SH3GL2: variants seen among roughly 807,000 people sequenced by gnomAD.
SH3GL2 encodes the protein endophilin-A1.
A neutral mutation model predicts 46.0 loss-of-function variants in SH3GL2; 24 were observed. The observed-to-expected ratio is 0.52, with a 90% CI of 0.38 to 0.73. SH3GL2 has a LOEUF of 0.73. SH3GL2 is among the 30% of genes least tolerant of loss of function. The pLI is 0.00. For missense variants in SH3GL2, 413 were observed against 424.2 expected, an observed-to-expected ratio of 0.97 and a Z score of 0.23; for synonymous variants, 196 against 147.1, an observed-to-expected ratio of 1.33 and a Z score of -2.40.
At chr9:17,782,107 T>G (rs1165330286) in intron 3 of SH3GL2, among the ~76,000 whole-genome samples, 4 of 152,158 alleles carry the variant, frequency 2.6e-5, no homozygotes, top group Non-Finnish European at 5.9e-5. Flanking sequence ...AAAAATAGAT[T>G]TTTGGTAAAT....
chr9:17,693,370 A>C (rs1189579297), intron 1 of SH3GL2, among the ~76,000 whole-genome samples: 3 of 152,200 alleles, frequency 2.0e-5, no homozygotes. Flanking sequence ...TGGTTGCATT[A>C]GATGGATGAA....
chr9:17,784,611 C>T (rs1382750187), intron 3 of SH3GL2, among the ~76,000 whole-genome samples: 2 of 152,190 alleles, frequency 1.3e-5, no homozygotes, highest in Admixed American at 1.3e-4. Context: ...TTACTCCTCA[C>T]TATATTGTGA....
intron 1 of SH3GL2, among the ~76,000 whole-genome samples, chr9:17,695,091 G>C (rs1421561324): frequency 1.1e-4 from 17 of 152,118 alleles, no homozygotes; most frequent in Non-Finnish European, 4.4e-5. Context: ...GAATACAAGA[G>C]AAGAAAATAA....
At chr9:17,663,825 C>T (rs1270105667) in intron 1 of SH3GL2, among the ~76,000 whole-genome samples, 4 of 152,144 alleles carry the variant, frequency 2.6e-5, no homozygotes, top group Non-Finnish European at 5.9e-5. Context: ...AAAAATAAAC[C>T]TCTTTTCAGA....
intron 1 of SH3GL2, among the ~76,000 whole-genome samples, chr9:17,674,801 C>A (rs1470546645): frequency 6.6e-6 from 1 of 152,164 alleles, no homozygotes; most frequent in Non-Finnish European, 1.5e-5. Flanking sequence ...GCCAGGGTTT[C>A]TTTCCATGGC....
chr9:17,738,983 T>G (rs543644089), intron 1 of SH3GL2, among the ~76,000 whole-genome samples: 1 of 152,110 alleles, frequency 6.6e-6, no homozygotes, highest in Non-Finnish European at 1.5e-5. Context: ...ACTGTAGACT[T>G]GCGAAGTTGA....
intron 1 of SH3GL2, among the ~76,000 whole-genome samples, chr9:17,669,148 A>C (rs1820411644): frequency 2.0e-5 from 3 of 152,218 alleles, no homozygotes. Flanking sequence ...AGTTGTAAGA[A>C]ATAATACAGA....
intron 1 of SH3GL2, among the ~76,000 whole-genome samples, chr9:17,680,737 G>C (rs1220320105): frequency 6.6e-6 from 1 of 152,080 alleles, no homozygotes; most frequent in Non-Finnish European, 1.5e-5. Flanking sequence ...GTGAATTTTA[G>C]ATCTTTCCTG....
intron 1 of SH3GL2, chr9:17,654,006 C>T (rs1820013140): frequency 4.9e-6 from 1 of 204,436 alleles, no homozygotes; most frequent in Non-Finnish European, 8.6e-6. Flanking sequence ...CAGCAGCTAT[C>T]CTGTCATTAT....
At chr9:17,592,825 C>T (rs1406188777) in intron 1 of SH3GL2, among the ~76,000 whole-genome samples, 4 of 152,082 alleles carry the variant, frequency 2.6e-5, no homozygotes, top group Non-Finnish European at 4.4e-5. Flanking sequence ...ACTCCTATAG[C>T]TTCAGGTTGG....
intron 1 of SH3GL2, among the ~76,000 whole-genome samples, chr9:17,709,463 A>G (rs536257518): frequency 1.3e-5 from 2 of 152,054 alleles, no homozygotes; most frequent in South Asian, 2.1e-4. Flanking sequence ...TCCAGATATT[A>G]GGCTGTTTTT....
At chr9:17,644,111 T>G (rs1026930202) in intron 1 of SH3GL2, among the ~76,000 whole-genome samples, 1 of 152,218 alleles carries the variant, frequency 6.6e-6, no homozygotes, top group African/African-American at 2.4e-5. Context: ...ATTTTCTAGT[T>G]TATTTGCATA....
chr9:17,794,803 C>T (rs1485690608), intron 8 of SH3GL2, among the ~76,000 whole-genome samples: 1 of 152,100 alleles, frequency 6.6e-6, no homozygotes, highest in Admixed American at 6.6e-5. Context: ...CAGTGCACTG[C>T]ATATATTTAT....
intron 2 of SH3GL2, among the ~76,000 whole-genome samples, chr9:17,752,731 A>G (rs1479238818): frequency 6.6e-6 from 1 of 152,102 alleles, no homozygotes; most frequent in South Asian, 2.1e-4. Context: ...TCTTAACTTC[A>G]GGGGTACACG....
Position 17,610,866 on chromosome 9 carries a change from ATACTT to A in SH3GL2, c.45+31582_45+31586del, listed in dbSNP as rs540829113. On this transcript the variant is annotated intron_variant, in intron 1 of 8. Transcript: ENST00000380607. ...ATGTTATGGGACGCTTTTTTGGTGA[ATACTT>A]TATATTTAGTAATCTCGTTTTTAAG... Among the ~76,000 whole-genome samples the A allele has an allele frequency of 3.9e-5, 6 of 152,298 alleles. No homozygotes were observed. In the South Asian group the frequency reaches 1.2e-3, roughly 32 times the overall value.
At chr9:17,655,371 C>G (rs1324096552) in intron 1 of SH3GL2, among the ~76,000 whole-genome samples, 1 of 152,122 alleles carries the variant, frequency 6.6e-6, no homozygotes, top group African/African-American at 2.4e-5. Flanking sequence ...TTACTACGAT[C>G]TCTGGCTCCC....
rs149588581 is a variant in SH3GL2 at position 17,678,758 on chromosome 9, G to A, written c.46-68308G>A. The stretch of plus-strand genomic sequence containing the variant: ...TGGGTTTTCTTCTAGGGTTTTTATG[G>A]TTTTAGGTCTAACATTTAAGTCTTT... On this transcript the variant is annotated intron_variant, in intron 1 of 8. Transcript: ENST00000380607. Among the ~76,000 whole-genome samples, 148 of 152,250 alleles carry A rather than the reference G, an allele frequency of 9.7e-4. No homozygotes were observed. The East Asian group carries it at 0.028, about 29-fold the overall frequency.
At chr9:17,638,156 C>CAAAA (rs10623700) in intron 1 of SH3GL2, among the ~76,000 whole-genome samples, 2,372 of 145,576 alleles carry the variant, frequency 0.016, 50 homozygotes, top group African/African-American at 0.057. Flanking sequence ...GACTCCCTCT[C>CAAAA]AAAAAAAAAA....
At chr9:17,621,460 A>G (rs1310371343) in intron 1 of SH3GL2, among the ~76,000 whole-genome samples, 1 of 152,210 alleles carries the variant, frequency 6.6e-6, no homozygotes, top group Admixed American at 6.5e-5. Context: ...AACATATCCC[A>G]TGATCACAAT....
Sources: allele counts gnomAD v4.1 joint callset (sites outside exome capture counted in the v4.1 genomes callset), GRCh38; gene constraint gnomAD v4.1.1; transcripts MANE v1.5; gene names NCBI Gene and HGNC (gene_info 2026-07-23, HGNC 2026-07-21).